The following ADSL variants were observed in gnomAD, a reference collection of about 807,000 sequenced individuals.
ADSL encodes the protein adenylosuccinate lyase, also known as adenylosuccinase.
Under a neutral mutation model 62.1 loss-of-function variants are expected in ADSL, and 44 were observed. That is an observed-to-expected ratio of 0.71 (90% CI 0.56 to 0.91). ADSL has a LOEUF of 0.91. Ranked by LOEUF, ADSL falls within the 40% of genes least tolerant of loss-of-function variation. The pLI is 0.00. For synonymous variants in ADSL, 198 were observed against 220.5 expected, an observed-to-expected ratio of 0.90 and a Z score of 0.90; for missense variants, 531 against 627.4, an observed-to-expected ratio of 0.85 and a Z score of 1.64.
intron 1 of ADSL, 82 bp downstream of exon 1, chr22:40,346,793 T>A: frequency 7.0e-7 from 1 of 1,429,916 alleles, no homozygotes; most frequent in South Asian, 1.3e-5. Flanking sequence ...CGGGCTGGGC[T>A]TAGCCACCCC....
downstream of ADSL, among the ~76,000 whole-genome samples, chr22:40,369,638 G>C (rs951897078): frequency 6.6e-6 from 1 of 151,806 alleles, no homozygotes; most frequent in Non-Finnish European, 1.5e-5. Context: ...TGAGTAGCTG[G>C]GACTATGGCA....
chr22:40,352,982 G>A, intron 2 of ADSL, 91 bp from the exon 3 acceptor site: 1 of 1,049,790 alleles, frequency 9.5e-7, no homozygotes, highest in South Asian at 1.3e-5. Context: ...TGGTAGCTGA[G>A]CAACCCAGCC....
At chr22:40,366,339 A>T (rs750096501) in intron 12 of ADSL, 97 bp from the exon 13 acceptor site, 6 of 883,914 alleles carry the variant, frequency 6.8e-6, no homozygotes, top group Non-Finnish European at 9.3e-6. Context: ...AAGCTTCATC[A>T]AATTAGGTTT....
chr22:40,367,475 C>T lies in ADSL; in HGVS notation c.*953C>T, dbSNP rs1043670070. On this transcript the variant is annotated 3_prime_UTR_variant, in exon 13 of 13. Transcript: ENST00000623063. ...TTTTTTTACTTGTTTACAGTGTAAG[C>T]AAGTGCCATTGGACAAGAACGTTGT... The T allele has an allele frequency of 1.8e-5, 3 of 167,720 alleles. No individual in the cohort carries two copies. Among genetic ancestry groups the T allele is most frequent in the Non-Finnish European group, 2.9e-5 (2 of 68,270 alleles). 10.4% of individuals were successfully genotyped at this position (167,720 alleles called of 1,614,324 possible). A position where few individuals can be genotyped will look rare whatever the true frequency, so the allele number is the denominator to read the frequency against.
chr22:40,384,624 C>CA (rs2048134940), intron 2 of ADSL, among the ~76,000 whole-genome samples: 1 of 151,638 alleles, frequency 6.6e-6, no homozygotes, highest in Non-Finnish European at 1.5e-5. Flanking sequence ...ACTAAAAATA[C>CA]AAAAAATTAG....
intron 2 of ADSL, chr22:40,376,460 T>TAGTA (rs1457251946): frequency 6.6e-6 from 1 of 152,126 alleles, no homozygotes; most frequent in African/African-American, 2.4e-5. Flanking sequence ...GGCCTGGCTT[T>TAGTA]ACCATTGTAA....
chr22:40,370,035 G>A (rs1221908246), downstream of ADSL, among the ~76,000 whole-genome samples: 2 of 152,076 alleles, frequency 1.3e-5, no homozygotes, highest in African/African-American at 4.8e-5. Flanking sequence ...GACACAGAAG[G>A]TACTCAGAAA....
At chr22:40,387,500 T>C (rs1466598579) in intron 2 of ADSL, 1 of 296,246 alleles carries the variant, frequency 3.4e-6, no homozygotes, top group African/African-American at 2.2e-5. Context: ...CCTAATCTCC[T>C]ATGTTAATAT....
intron 2 of ADSL, among the ~76,000 whole-genome samples, chr22:40,384,330 A>G (rs182598119): frequency 9.2e-5 from 14 of 152,356 alleles, no homozygotes; most frequent in Middle Eastern, 6.8e-3. Flanking sequence ...AAACAGGAAT[A>G]TTAAAAAGAA....
intron 1 of ADSL, 70 bp from the exon 2 acceptor site, chr22:40,349,762 T>C (rs947666693): frequency 3.2e-5 from 45 of 1,399,344 alleles, no homozygotes; most frequent in South Asian, 2.6e-4. Flanking sequence ...CAGTTTTTTT[T>C]CCTTGGTGTC....
intron 2 of ADSL, among the ~76,000 whole-genome samples, chr22:40,351,443 A>G (rs1247461955): frequency 6.6e-6 from 1 of 152,110 alleles, no homozygotes; most frequent in East Asian, 1.9e-4. Flanking sequence ...AAGTGCTGGG[A>G]TTACAGGCGT....
chr22:40,350,985 A>G (rs186706788), intron 2 of ADSL, among the ~76,000 whole-genome samples: 1 of 151,672 alleles, frequency 6.6e-6, no homozygotes, highest in East Asian at 2.0e-4. Context: ...AAGTCCTTCA[A>G]AGACCCTGTC....
Position 40,359,040 on chromosome 22 carries a change from T to C in ADSL, c.654+5T>C. The C allele has an allele frequency of 6.2e-7, 1 of 1,614,048 alleles. No individual in the cohort carries two copies. The highest frequency in any genetic ancestry group is 8.5e-7 in the Non-Finnish European group (1 of 1,179,988). On this transcript the variant is annotated splice_donor_5th_base_variant and intron_variant, in intron 5 of 12. Coordinates refer to ENST00000623063, the MANE Select transcript of ADSL (RefSeq NM_000026.4). ...TTTGAGGGAGATGACCATAAGGTATTCTGAAAGTGACCTGCAGGACACAGA... is the reference window on the plus strand; with the variant it reads ...TTTGAGGGAGATGACCATAAGGTATCCTGAAAGTGACCTGCAGGACACAGA...
intron 2 of ADSL, 57 bp downstream of exon 2, chr22:40,350,092 T>G (rs758234602): frequency 1.3e-6 from 2 of 1,541,772 alleles, no homozygotes; most frequent in Admixed American, 3.4e-5. Context: ...ATTTGTCAAT[T>G]TTATTTGATG....
chr22:40,375,723 T>A (rs1378267336), intron 2 of ADSL, among the ~76,000 whole-genome samples: 2 of 151,672 alleles, frequency 1.3e-5, no homozygotes, highest in Admixed American at 6.6e-5. Context: ...TCTCTAGATA[T>A]CTAATTAGCC....
chr22:40,361,305 C>G lies in ADSL; in HGVS notation c.825C>G (p.Leu275=). ...CCGACATACGCCTCCTGGCAAACCT[C>G]AAGGAGATGGAGGAACCCTTTGAAA... ...ICTDIRLLAN[L]KEMEEPFEKQ... Residue 275 remains leucine (L), a synonymous_variant, in exon 8 of 13, where the codon CTC becomes CTG. Transcript: ENST00000623063. 2 of 1,614,174 alleles carry G rather than the reference C, an allele frequency of 1.2e-6. No individual in the cohort carries two copies. The highest frequency in any genetic ancestry group is 1.7e-6 in the Non-Finnish European group (2 of 1,180,032).
chr22:40,384,757 G>A (rs1457051971), intron 2 of ADSL, among the ~76,000 whole-genome samples: 1 of 152,162 alleles, frequency 6.6e-6, no homozygotes, highest in African/African-American at 2.4e-5. Context: ...CTCCAGCCTG[G>A]GCGACAGAGC....
intron 2 of ADSL, among the ~76,000 whole-genome samples, chr22:40,380,126 G>C (rs2146791527): frequency 6.6e-6 from 1 of 152,256 alleles, no homozygotes; most frequent in East Asian, 1.9e-4. Context: ...ACCTAGTCCT[G>C]AGAGGCAGTA....
Position 40,349,922 on chromosome 22 carries a change from A to G in ADSL, c.244A>G (p.Lys82Glu). Residue 82 changes from lysine to glutamate, a missense_variant, in exon 2 of 13, where the codon AAA becomes GAA. Physicochemically the swap from Lys to Glu is moderately conservative, Grantham distance 56 (BLOSUM62 1). Around this residue, in one of 2 missense-constraint regions of ADSL, gnomAD observed 471 missense variants for 592.9 expected, o/e 0.79. Coordinates refer to ENST00000623063, the MANE Select transcript of ADSL (RefSeq NM_000026.4). ...CTTCAAGATGGCAGCTGAGGAAGAG[A>G]AACGTTTACGACATGATGTGATGGC... ...IDFKMAAEEE[K>E]RLRHDVMAHV... The G allele has an allele frequency of 1.2e-6, 2 of 1,614,194 alleles. No homozygotes were observed. The highest frequency in any genetic ancestry group is 1.7e-6 in the Non-Finnish European group (2 of 1,180,034).
Sources: gnomAD v4.1 joint callset for allele counts (sites outside exome capture counted in the v4.1 genomes callset) on GRCh38, gnomAD v4.1.1 for gene constraint, gnomAD v4.1.1 regional missense constraint, MANE v1.5 for transcripts, NCBI Gene and HGNC (gene_info 2026-07-23, HGNC 2026-07-21) for gene names.